The following ELOVL5 variants were observed in gnomAD, a reference collection of about 807,000 sequenced individuals.
ELOVL5 encodes the protein ELOVL fatty acid elongase 5, also known as very long chain fatty acid elongase 5.
In ELOVL5, 8 loss-of-function variants were observed where a neutral mutation model predicts 38.6. The ratio of observed to expected loss-of-function variants is 0.21; its 90% CI spans 0.12 to 0.37. ELOVL5 has a LOEUF of 0.37. Ranked by LOEUF, ELOVL5 falls within the 10% of genes least tolerant of loss-of-function variation. The pLI is 1.00. For missense variants in ELOVL5, 280 were observed against 367.8 expected, an observed-to-expected ratio of 0.76 and a Z score of 1.95; for synonymous variants, 127 against 133.7, an observed-to-expected ratio of 0.95 and a Z score of 0.34.
intron 1 of ELOVL5, among the ~76,000 whole-genome samples, chr6:53,317,702 G>T (rs955169708): frequency 2.6e-5 from 4 of 151,524 alleles, no homozygotes; most frequent in Admixed American, 6.6e-5. Flanking sequence ...CTAGATGATG[G>T]GTTAATGGGT....
chr6:53,343,700 A>G (rs1769424002), intron 1 of ELOVL5, among the ~76,000 whole-genome samples: 1 of 152,248 alleles, frequency 6.6e-6, no homozygotes, highest in Non-Finnish European at 1.5e-5. Flanking sequence ...ACAAGAAACC[A>G]AGGCAGCCAG....
intron 1 of ELOVL5, among the ~76,000 whole-genome samples, chr6:53,326,777 G>A (rs1227992165): frequency 6.6e-6 from 1 of 152,186 alleles, no homozygotes; most frequent in Non-Finnish European, 1.5e-5. Context: ...CTAGGCACCA[G>A]CAAGTACGGT....
chr6:53,276,075 G>C (rs1179585448), intron 4 of ELOVL5, 104 bp downstream of exon 4: 1 of 704,558 alleles, frequency 1.4e-6, no homozygotes, highest in Non-Finnish European at 2.4e-6. Flanking sequence ...ATATCAACAG[G>C]GATTGCCTGG....
intron 1 of ELOVL5, among the ~76,000 whole-genome samples, chr6:53,306,762 CTTAA>C (rs1456142547): frequency 6.6e-6 from 1 of 152,182 alleles, no homozygotes; most frequent in African/African-American, 2.4e-5. Context: ...AAGCTGCCAA[CTTAA>C]TTTTCTTTTG....
intron 1 of ELOVL5, among the ~76,000 whole-genome samples, 155 bp downstream of exon 1, chr6:53,348,662 C>T (rs1769690857): frequency 6.6e-6 from 1 of 152,214 alleles, no homozygotes; most frequent in East Asian, 1.9e-4. Context: ...CTGGAGGCCG[C>T]GGGCGGAGCG....
chr6:53,293,032 G>C (rs1766835389), intron 2 of ELOVL5, among the ~76,000 whole-genome samples: 1 of 152,062 alleles, frequency 6.6e-6, no homozygotes, highest in Admixed American at 6.6e-5. Context: ...ACCTCTTCTT[G>C]GATGGCGGGA....
intron 3 of ELOVL5, among the ~76,000 whole-genome samples, chr6:53,286,781 A>G (rs1188844340): frequency 1.3e-5 from 2 of 152,202 alleles, no homozygotes; most frequent in African/African-American, 4.8e-5. Context: ...AATCTATTTG[A>G]AAAAGAGTTT....
At chr6:53,324,728 T>C (rs1295440747) in intron 1 of ELOVL5, among the ~76,000 whole-genome samples, 1 of 144,196 alleles carries the variant, frequency 6.9e-6, no homozygotes, top group African/African-American at 2.6e-5. Flanking sequence ...GGCAGAATAC[T>C]GGTCTATAGC....
At chr6:53,306,075 G>A (rs1209640895) in intron 1 of ELOVL5, among the ~76,000 whole-genome samples, 1 of 151,202 alleles carries the variant, frequency 6.6e-6, no homozygotes, top group African/African-American at 2.4e-5. Context: ...GTGGCGGCGC[G>A]CGCCTGCAAT....
chr6:53,278,680 G>A (rs938541246), intron 3 of ELOVL5, among the ~76,000 whole-genome samples: 2 of 151,960 alleles, frequency 1.3e-5, no homozygotes, highest in Non-Finnish European at 2.9e-5. Context: ...CTGCTCACTC[G>A]GTGCCACTCC....
chr6:53,305,093 C>A lies in ELOVL5; in HGVS notation c.-8-9386G>T, dbSNP rs1366486385. Among the ~76,000 whole-genome samples the A allele has an allele frequency of 4.7e-5, 7 of 148,578 alleles. No homozygotes were observed. In the South Asian group the frequency reaches 1.5e-3, roughly 32 times the overall value. On this transcript the variant is annotated intron_variant, in intron 1 of 7. Transcript: ENST00000304434. ...CCTCCCTCCCGGACGGGGCGGCTCGCTGGGCAGGGGGCTGACCCCCCCACC... is the reference window on the plus strand; with the variant it reads ...CCTCCCTCCCGGACGGGGCGGCTCGATGGGCAGGGGGCTGACCCCCCCACC...
chr6:53,280,207 C>T (rs890828503), intron 3 of ELOVL5, among the ~76,000 whole-genome samples: 3 of 152,210 alleles, frequency 2.0e-5, no homozygotes, highest in Admixed American at 6.5e-5. Flanking sequence ...CTACCTTGGG[C>T]TTCTGAGAAT....
chr6:53,316,396 G>A lies in ELOVL5; in HGVS notation c.-8-20689C>T, dbSNP rs78420363. Among the ~76,000 whole-genome samples the A allele has an allele frequency of 4.3e-3, 659 of 152,310 alleles. 8 individuals carry two copies. Among genetic ancestry groups the A allele is most frequent in the African/African-American group, 0.015 (636 of 41,554 alleles). On this transcript the variant is annotated intron_variant, in intron 1 of 7. Transcript: ENST00000304434. The stretch of plus-strand genomic sequence containing the variant: ...TTCTGTATGGGGACCAGTGGGTCAG[G>A]TGAAGCTCTGCAAAGAGAGTAATAT...
chr6:53,310,588 C>T (rs934900565), intron 1 of ELOVL5, among the ~76,000 whole-genome samples: 4 of 152,238 alleles, frequency 2.6e-5, no homozygotes, highest in Admixed American at 2.6e-4. Context: ...ACAATTATCA[C>T]AAGTTGATTT....
chr6:53,305,297 C>A (rs1767456605), intron 1 of ELOVL5, among the ~76,000 whole-genome samples: 1 of 140,218 alleles, frequency 7.1e-6, no homozygotes, highest in African/African-American at 2.7e-5. Flanking sequence ...CGCCCCTCAC[C>A]TCCCGGACAG....
chr6:53,321,796 A>G (rs183436256), intron 1 of ELOVL5, among the ~76,000 whole-genome samples: 2 of 152,364 alleles, frequency 1.3e-5, no homozygotes, highest in East Asian at 3.9e-4. Context: ...ATATACACTG[A>G]AAATTTGTGT....
At chr6:53,309,776 T>G (rs1280205330) in intron 1 of ELOVL5, among the ~76,000 whole-genome samples, 6 of 152,188 alleles carry the variant, frequency 3.9e-5, no homozygotes, top group African/African-American at 1.4e-4. Flanking sequence ...CAAACAGTCC[T>G]AGGGAGAGGA....
At chr6:53,324,972 A>G (rs1768474070) in intron 1 of ELOVL5, among the ~76,000 whole-genome samples, 2 of 152,216 alleles carry the variant, frequency 1.3e-5, no homozygotes, top group East Asian at 3.8e-4. Flanking sequence ...TGGGGCGGAC[A>G]GATTAACCGG....
At chr6:53,294,989 AT>A (rs1217709217) in intron 2 of ELOVL5, among the ~76,000 whole-genome samples, 1 of 152,208 alleles carries the variant, frequency 6.6e-6, no homozygotes, top group Non-Finnish European at 1.5e-5. Context: ...CATGAAACCT[AT>A]TATTTCATCT....
Sources: allele counts gnomAD v4.1 joint callset (sites outside exome capture counted in the v4.1 genomes callset), GRCh38; gene constraint gnomAD v4.1.1; transcripts MANE v1.5; gene names NCBI Gene and HGNC (gene_info 2026-07-23, HGNC 2026-07-21).